The following TENM3 variants were observed in gnomAD, a reference collection of about 807,000 sequenced individuals.
TENM3 encodes the protein teneurin-3.
In TENM3, 63 loss-of-function variants were observed where a neutral mutation model predicts 255.1. The ratio of observed to expected loss-of-function variants is 0.25; its 90% CI spans 0.20 to 0.30. TENM3 has a LOEUF of 0.30. Ranked by LOEUF, TENM3 falls within the 10% of genes least tolerant of loss-of-function variation. The pLI is 1.00. For synonymous variants in TENM3, 1,306 were observed against 1,322.3 expected (o/e 0.99, Z 0.27); for missense variants, 2,929 against 3,461.1 (o/e 0.85, Z 3.86).
intron 3 of TENM3, among the ~76,000 whole-genome samples, chr4:182,543,718 G>T (rs1741135735): frequency 6.6e-6 from 1 of 151,338 alleles, no homozygotes; most frequent in Non-Finnish European, 1.5e-5. Context: ...ATGCTTTTTT[G>T]GTGGTATTCC....
chr4:182,388,296 T>G (rs566793261), intron 3 of TENM3, among the ~76,000 whole-genome samples: 3 of 152,206 alleles, frequency 2.0e-5, no homozygotes, highest in African/African-American at 7.2e-5. Flanking sequence ...CAAGACTTCT[T>G]CAGCCTGCTT....
chr4:182,794,948 CTT>C (rs71923194), intron 26 of TENM3, among the ~76,000 whole-genome samples: 5,137 of 148,442 alleles, frequency 0.035, 274 homozygotes, highest in African/African-American at 0.12. Flanking sequence ...TTCCTGTTGT[CTT>C]TTTTTTTTGG....
chr4:182,202,299 C>CTT (rs773698031), intron 1 of TENM3, among the ~76,000 whole-genome samples: 4,682 of 100,232 alleles, frequency 0.047, 401 homozygotes, highest in African/African-American at 0.15. Context: ...GTGCACTGCA[C>CTT]TTTTTTTTTT....
the TENM3 span, among the ~76,000 whole-genome samples, chr4:181,707,303 T>G: frequency 6.6e-6 from 1 of 152,162 alleles, no homozygotes; most frequent in South Asian, 2.1e-4. Context: ...GAATAGTTAT[T>G]TTCTGCCGGG....
the TENM3 span, among the ~76,000 whole-genome samples, chr4:182,112,476 C>T: frequency 1.3e-4 from 20 of 152,298 alleles, 1 homozygote; most frequent in South Asian, 3.9e-3. Flanking sequence ...AAAGTTAACA[C>T]TAGTTTATAA....
At chr4:181,478,909 T>C in the TENM3 span, among the ~76,000 whole-genome samples, 1 of 152,180 alleles carries the variant, frequency 6.6e-6, no homozygotes, top group Non-Finnish European at 1.5e-5. Context: ...CGGGATTTAA[T>C]CTAAAATAAC....
intron 4 of TENM3, among the ~76,000 whole-genome samples, chr4:182,617,366 C>A (rs1055882341): frequency 4.6e-5 from 7 of 152,158 alleles, no homozygotes; most frequent in Non-Finnish European, 1.0e-4. Context: ...GTCTTGATAT[C>A]ATCAAGTGAC....
chr4:182,040,803 G>T, the TENM3 span, among the ~76,000 whole-genome samples: 1 of 152,002 alleles, frequency 6.6e-6, no homozygotes, highest in African/African-American at 2.4e-5. Context: ...ATCCTCCATG[G>T]TTTTTTGTTG....
chr4:182,497,993 A>G (rs1170629894), intron 3 of TENM3, among the ~76,000 whole-genome samples: 1 of 151,968 alleles, frequency 6.6e-6, no homozygotes, highest in Non-Finnish European at 1.5e-5. Flanking sequence ...TTGTTGAGTA[A>G]TGAAAACTCA....
Position 182,802,143 on chromosome 4 carries a change from A to G in TENM3, c.*1792A>G, listed in dbSNP as rs536767389. ...TTATTAAACAGATGATTGGCTGGGAAAGTTTCAAAATAGCTACTGAATTTA... is the reference window on the plus strand; with the variant it reads ...TTATTAAACAGATGATTGGCTGGGAGAGTTTCAAAATAGCTACTGAATTTA... On this transcript the variant is annotated 3_prime_UTR_variant, in exon 28 of 28. Transcript: ENST00000511685. The G allele has an allele frequency of 6.5e-6, 1 of 152,794 alleles. No homozygotes were observed. The highest frequency in any genetic ancestry group is 2.1e-4 in the South Asian group (1 of 4,828). 9.5% of individuals were successfully genotyped at this position (152,794 alleles called of 1,614,324 possible). A position where few individuals can be genotyped will look rare whatever the true frequency, so the allele number is the denominator to read the frequency against.
intron 5 of TENM3, among the ~76,000 whole-genome samples, chr4:182,636,640 C>T (rs1751863967): frequency 1.3e-5 from 2 of 151,736 alleles, no homozygotes; most frequent in South Asian, 2.1e-4. Flanking sequence ...TCACTTGAAC[C>T]CAGGAGGCAG....
At chr4:181,593,010 A>C in the TENM3 span, among the ~76,000 whole-genome samples, 13,488 of 152,244 alleles carry the variant, frequency 0.089, 736 homozygotes, top group Middle Eastern at 0.14. Context: ...AAAGCAAGCC[A>C]TGGGAGTTTG....
At chr4:182,096,391 C>T in the TENM3 span, among the ~76,000 whole-genome samples, 1 of 151,738 alleles carries the variant, frequency 6.6e-6, no homozygotes, top group African/African-American at 2.4e-5. Context: ...CTTCAAAACT[C>T]GTAAATAAAG....
chr4:182,105,095 C>T, the TENM3 span, among the ~76,000 whole-genome samples: 1 of 152,064 alleles, frequency 6.6e-6, no homozygotes, highest in Admixed American at 6.5e-5. Context: ...CGCCAATAGT[C>T]CCAGCTACTC....
the TENM3 span, among the ~76,000 whole-genome samples, chr4:181,453,779 A>T: frequency 6.6e-6 from 1 of 152,214 alleles, no homozygotes; most frequent in Non-Finnish European, 1.5e-5. Flanking sequence ...TCCTGTAGGG[A>T]TGCCTGAATT....
the TENM3 span, among the ~76,000 whole-genome samples, chr4:181,925,825 C>G: frequency 6.6e-6 from 1 of 152,144 alleles, no homozygotes; most frequent in African/African-American, 2.4e-5. Context: ...CCTAAACAAG[C>G]TTTCCTGATG....
At position 182,800,291 on chromosome 4, in the gene TENM3, G is replaced by T; in HGVS notation, c.8040G>T (p.Glu2680Asp). The T allele has an allele frequency of 6.4e-7, 1 of 1,573,642 alleles. No individual in the cohort carries two copies. The highest frequency in any genetic ancestry group is 1.1e-5 in the South Asian group (1 of 89,154). ...YYVLSVEQYPELADSANNIQF... is the reference protein window; with the variant it reads ...YYVLSVEQYPDLADSANNIQF... ...TACTCTCGGTGGAGCAGTACCCCGAGCTGGCCGACAGCGCCAACAACATCC... is the reference window on the plus strand; with the variant it reads ...TACTCTCGGTGGAGCAGTACCCCGATCTGGCCGACAGCGCCAACAACATCC... The change falls in exon 28 of 28, where the codon GAG becomes GAT. Residue 2680 changes from glutamate to aspartate, a missense_variant. Coordinates refer to ENST00000511685, the MANE Select transcript of TENM3 (RefSeq NM_001080477.4).
chr4:182,679,033 G>A (rs2152563198), intron 7 of TENM3, among the ~76,000 whole-genome samples: 1 of 152,240 alleles, frequency 6.6e-6, no homozygotes, highest in Middle Eastern at 3.4e-3. Flanking sequence ...GACACAGGGA[G>A]GGGAACATCA....
chr4:181,523,875 T>C, the TENM3 span, among the ~76,000 whole-genome samples: 2 of 152,146 alleles, frequency 1.3e-5, no homozygotes, highest in Non-Finnish European at 2.9e-5. Flanking sequence ...ATTCAAACAG[T>C]AGCATACAAG....
Sources: gnomAD v4.1 joint callset for allele counts (sites outside exome capture counted in the v4.1 genomes callset) on GRCh38, gnomAD v4.1.1 for gene constraint, MANE v1.5 for transcripts, NCBI Gene and HGNC (gene_info 2026-07-23, HGNC 2026-07-21) for gene names.